The following GLI3 variants were observed in gnomAD, a reference collection of about 807,000 sequenced individuals.
GLI3 encodes GLI family zinc finger 3.
GLI3 carries 20 observed loss-of-function variants against 100.8 expected under a neutral mutation model. The observed-to-expected ratio is 0.20, with a 90% CI of 0.14 to 0.29. The LOEUF (loss-of-function observed/expected upper bound fraction) is 0.29. GLI3 is among the 10% of genes least tolerant of loss of function. GLI3 has a pLI of 1.00. For synonymous variants in GLI3, 938 were observed against 860.5 expected (o/e 1.09, Z -1.58); for missense variants, 2,040 against 2,128.5 (o/e 0.96, Z 0.82).
At chr7:42,111,210 A>G (rs932690784) in intron 3 of GLI3, among the ~76,000 whole-genome samples, 12 of 152,218 alleles carry the variant, frequency 7.9e-5, no homozygotes, top group African/African-American at 2.9e-4. Flanking sequence ...CAAGAGTGAG[A>G]CTGGACTGAG....
At chr7:42,086,782 C>T (rs890355569) in intron 3 of GLI3, among the ~76,000 whole-genome samples, 8 of 152,152 alleles carry the variant, frequency 5.3e-5, no homozygotes, top group Admixed American at 3.9e-4. Flanking sequence ...CCAGTAGGGA[C>T]GACCCGAGGA....
intron 3 of GLI3, among the ~76,000 whole-genome samples, chr7:42,077,384 TAAC>T (rs1784902709): frequency 1.3e-5 from 2 of 149,404 alleles, no homozygotes; most frequent in African/African-American, 4.9e-5. Flanking sequence ...TTTTTTTTTT[TAAC>T]TTAAATACAT....
chr7:42,232,255 A>G (rs1272240692), intron 1 of GLI3, among the ~76,000 whole-genome samples: 1 of 152,188 alleles, frequency 6.6e-6, no homozygotes, highest in Non-Finnish European at 1.5e-5. Flanking sequence ...TGATGCCAAC[A>G]CGGCCCTTAA....
chr7:42,112,354 A>C (rs1785732285), intron 3 of GLI3, among the ~76,000 whole-genome samples: 1 of 152,184 alleles, frequency 6.6e-6, no homozygotes, highest in Non-Finnish European at 1.5e-5. Context: ...ATATAGTTCT[A>C]TGGTTATGGG....
At chr7:42,062,193 A>T (rs918907727) in intron 4 of GLI3, among the ~76,000 whole-genome samples, 2 of 152,170 alleles carry the variant, frequency 1.3e-5, no homozygotes, top group African/African-American at 2.4e-5. Flanking sequence ...ACAAGGTTTA[A>T]GGCCCCATTT....
intron 11 of GLI3, 185 bp from the exon 12 acceptor site, chr7:41,977,907 A>T: frequency 3.1e-6 from 2 of 636,456 alleles, no homozygotes; most frequent in Non-Finnish European, 5.6e-6. Flanking sequence ...GTAGTTCCAG[A>T]TAAAGAGTTT....
At chr7:42,079,138 T>G (rs1326309597) in intron 3 of GLI3, among the ~76,000 whole-genome samples, 1 of 152,322 alleles carries the variant, frequency 6.6e-6, no homozygotes, top group Non-Finnish European at 1.5e-5. Flanking sequence ...TTATTTGTAA[T>G]GTAAATATTG....
At chr7:41,981,909 C>T (rs2128714098) in intron 10 of GLI3, among the ~76,000 whole-genome samples, 1 of 152,290 alleles carries the variant, frequency 6.6e-6, no homozygotes, top group Non-Finnish European at 1.5e-5. Flanking sequence ...ACCTTTGCCA[C>T]TGAGACAATG....
chr7:42,057,179 A>G (rs4720414), intron 4 of GLI3, among the ~76,000 whole-genome samples: 34,147 of 152,110 alleles, frequency 0.22, 4,052 homozygotes, highest in East Asian at 0.41. Context: ...AATAAAAATC[A>G]TGTATTTTGA....
chr7:42,127,837 A>G (rs1424307434), intron 3 of GLI3, among the ~76,000 whole-genome samples: 1 of 151,948 alleles, frequency 6.6e-6, no homozygotes, highest in African/African-American at 2.4e-5. Context: ...GCAAAACTCT[A>G]TCTCTATAAA....
At chr7:42,152,624 C>T (rs1786900504) in intron 2 of GLI3, among the ~76,000 whole-genome samples, 1 of 152,204 alleles carries the variant, frequency 6.6e-6, no homozygotes, top group Non-Finnish European at 1.5e-5. Flanking sequence ...GGCGGCTAAT[C>T]ATTAAATCAA....
At chr7:42,183,245 T>G (rs1260035088) in intron 2 of GLI3, among the ~76,000 whole-genome samples, 3 of 152,018 alleles carry the variant, frequency 2.0e-5, no homozygotes, top group Non-Finnish European at 1.5e-5. Flanking sequence ...AAAAAATCAC[T>G]GTTAATATTG....
chr7:42,192,633 A>C (rs1787850217), intron 2 of GLI3, among the ~76,000 whole-genome samples: 1 of 152,248 alleles, frequency 6.6e-6, no homozygotes, highest in Non-Finnish European at 1.5e-5. Flanking sequence ...AGAGGATGAT[A>C]AATGTGAAAA....
chr7:42,256,212 T>C (rs1228207264), intron 1 of GLI3, among the ~76,000 whole-genome samples: 1 of 152,196 alleles, frequency 6.6e-6, no homozygotes, highest in Non-Finnish European at 1.5e-5. Flanking sequence ...TTATAAGATA[T>C]ATGATTTGCA....
rs57107204 is a variant in GLI3, at chr7:42,189,971, AACACACACACACACACACAC to A, written c.124+33139_124+33158del. ...AACACATATATGTGTGCATGGGCTC[AACACACACACACACACACAC>A]ACACACACACACACACACACACACA... On this transcript the variant is annotated intron_variant, in intron 2 of 14. Coordinates refer to ENST00000395925, the MANE Select transcript of GLI3 (RefSeq NM_000168.6). Among the ~76,000 whole-genome samples the A allele has an allele frequency of 6.8e-3, 973 of 143,400 alleles. 6 individuals carry two copies. The highest frequency in any genetic ancestry group is 7.4e-3 in the African/African-American group (286 of 38,866). The allele number at this position is 143,400 out of a possible 152,430, so 94.1% of individuals were successfully genotyped here. A position where few individuals can be genotyped will look rare whatever the true frequency, so the allele number is the denominator to read the frequency against.
At chr7:42,163,058 C>T (rs918048401) in intron 2 of GLI3, among the ~76,000 whole-genome samples, 4 of 144,846 alleles carry the variant, frequency 2.8e-5, no homozygotes, top group Non-Finnish European at 4.5e-5. Context: ...AACAACTATC[C>T]TCACAAACTA....
chr7:42,171,676 A>G (rs1787375784), intron 2 of GLI3, among the ~76,000 whole-genome samples: 1 of 152,230 alleles, frequency 6.6e-6, no homozygotes, highest in Non-Finnish European at 1.5e-5. Flanking sequence ...CAGCTTCTCA[A>G]CTTGCTCAAG....
chr7:42,091,192 C>A (rs1408831744), intron 3 of GLI3, among the ~76,000 whole-genome samples: 1 of 152,254 alleles, frequency 6.6e-6, no homozygotes, highest in African/African-American at 2.4e-5. Flanking sequence ...CCTGAGTACA[C>A]CTGTATTTCC....
intron 4 of GLI3, among the ~76,000 whole-genome samples, chr7:42,050,926 T>C (rs1784339842): frequency 6.6e-6 from 1 of 152,184 alleles, no homozygotes; most frequent in Admixed American, 6.5e-5. Context: ...ACAAAAATTA[T>C]AGCGGCCAGG....
Sources: gnomAD v4.1 joint callset for allele counts (sites outside exome capture counted in the v4.1 genomes callset) on GRCh38, gnomAD v4.1.1 for gene constraint, MANE v1.5 for transcripts, NCBI Gene and HGNC (gene_info 2026-07-23, HGNC 2026-07-21) for gene names.